The following TOX3 variants were observed in gnomAD, a reference collection of about 807,000 sequenced individuals.
TOX3 encodes the protein TOX high mobility group box family member 3.
A neutral mutation model predicts 64.3 loss-of-function variants in TOX3; 22 were observed. The ratio of observed to expected loss-of-function variants is 0.34; its 90% confidence interval spans 0.24 to 0.49. TOX3 has a LOEUF of 0.49. Among genes scored for constraint, TOX3 ranks in the 20% least tolerant of loss-of-function variants. TOX3 has a pLI of 0.99. For synonymous variants in TOX3, 291 were observed against 273.6 expected, an observed-to-expected ratio of 1.06 and a Z score of -0.63; for missense variants, 661 against 714.4, an observed-to-expected ratio of 0.93 and a Z score of 0.85.
chr16:52,501,470 G>C (rs552116009), intron 1 of TOX3, among the ~76,000 whole-genome samples: 5 of 152,162 alleles, frequency 3.3e-5, no homozygotes, highest in South Asian at 2.1e-4. Context: ...CCAGGAGTTC[G>C]AGACCAGCCT....
At chr16:52,517,489 C>A (rs1314520084) in intron 1 of TOX3, among the ~76,000 whole-genome samples, 2 of 151,772 alleles carry the variant, frequency 1.3e-5, no homozygotes, top group Non-Finnish European at 2.9e-5. Flanking sequence ...GGTGCCCCAG[C>A]CCACCCTCAA....
intron 1 of TOX3, among the ~76,000 whole-genome samples, chr16:52,486,031 G>A (rs912606760): frequency 1.3e-5 from 2 of 152,210 alleles, no homozygotes; most frequent in African/African-American, 4.8e-5. Context: ...TGTTGGGGTT[G>A]AGGTGCCAAG....
intron 3 of TOX3, among the ~76,000 whole-genome samples, chr16:52,454,007 T>G (rs1275993811): frequency 6.6e-6 from 1 of 152,230 alleles, no homozygotes; most frequent in East Asian, 1.9e-4. Flanking sequence ...ATACTAGTAC[T>G]ATACTTATTC....
In TOX3 at chr16:52,527,629, G is replaced by A. The variant is rs1186683254; in HGVS notation, c.87+19008C>T. On this transcript the variant is annotated intron_variant, in intron 1 of 6. Coordinates refer to ENST00000219746, the MANE Select transcript of TOX3 (RefSeq NM_001080430.4). ...CGCGTAGATTATTTTACCTGATCCA[G>A]GAGCCTCCTTCCCTGGTGACTACCT... is the stretch of plus-strand genomic sequence containing the variant. 2.0e-5 allele frequency among the ~76,000 whole-genome samples: 3 copies of A among 152,184 alleles called. No individual in the cohort carries two copies. The East Asian group carries it at 5.8e-4, about 29-fold the overall frequency.
chr16:52,519,777 T>C (rs1172761258), intron 1 of TOX3, among the ~76,000 whole-genome samples: 3 of 151,374 alleles, frequency 2.0e-5, no homozygotes, highest in African/African-American at 7.3e-5. Context: ...GGGCAATGTA[T>C]TGAGAGCTTA....
chr16:52,531,257 T>A (rs987571102), intron 1 of TOX3, among the ~76,000 whole-genome samples: 12 of 152,138 alleles, frequency 7.9e-5, no homozygotes, highest in Admixed American at 6.5e-4. Flanking sequence ...CCAGGAAAGG[T>A]GCAAAAATAT....
At position 52,504,532 on chromosome 16, in the gene TOX3, C is replaced by A. The variant is rs548000779; in HGVS notation, c.88-35958G>T. Among the ~76,000 whole-genome samples, 3 of 151,564 alleles carry A rather than the reference C, an allele frequency of 2.0e-5. No homozygotes were observed. In the South Asian group the frequency reaches 6.3e-4, roughly 32 times the overall value. The stretch of plus-strand genomic sequence containing the variant: ...GAGAAATGAGAAATGTCTATGTGCA[C>A]ACAACTTCCCACATACACACATTAG... On this transcript the variant is annotated intron_variant, in intron 1 of 6. Coordinates refer to ENST00000219746, the MANE Select transcript of TOX3 (RefSeq NM_001080430.4).
intron 1 of TOX3, among the ~76,000 whole-genome samples, chr16:52,497,925 T>A (rs79807263): frequency 0.036 from 5,448 of 152,288 alleles, 306 homozygotes; most frequent in African/African-American, 0.12. Context: ...TGCTCTATAA[T>A]GGGAAGAAAA....
chr16:52,527,607 G>A (rs764319393), intron 1 of TOX3, among the ~76,000 whole-genome samples: 3 of 152,158 alleles, frequency 2.0e-5, no homozygotes, highest in South Asian at 2.1e-4. Flanking sequence ...TGAAACACGC[G>A]TAGATTATTT....
intron 1 of TOX3, among the ~76,000 whole-genome samples, chr16:52,493,979 T>C (rs1596824742): frequency 6.6e-6 from 1 of 152,322 alleles, no homozygotes; most frequent in East Asian, 1.9e-4. Flanking sequence ...TTTCATATCT[T>C]AGGAGAACAG....
At chr16:52,531,778 C>T (rs907936159) in intron 1 of TOX3, among the ~76,000 whole-genome samples, 1 of 151,936 alleles carries the variant, frequency 6.6e-6, no homozygotes, top group Non-Finnish European at 1.5e-5. Flanking sequence ...GAAGATTAAA[C>T]CAGAAGTAAA....
chr16:52,546,938 G>A lies in TOX3; in HGVS notation c.-215C>T. On this transcript the variant is annotated 5_prime_UTR_variant, in exon 1 of 7. Transcript: ENST00000219746. ...CACGCGAGCCGCGGGAGAGCGGGAG[G>A]CGGCCGGGGGGACGCGCCCCGCCGG... The A allele has an allele frequency of 9.9e-7, 1 of 1,009,080 alleles. No homozygotes were observed. 62.5% of individuals were successfully genotyped at this position (1,009,080 alleles called of 1,614,324 possible).
Position 52,438,997 on chromosome 16 carries a change from GA to G in TOX3, c.*227del. ...TAAATAAAAAAGGCATCACATAAAAGAGCACAGCTTTTCTTGTTTAAAAACA... is the reference window on the plus strand; with the variant it reads ...TAAATAAAAAAGGCATCACATAAAAGGCACAGCTTTTCTTGTTTAAAAACA... On this transcript the variant is annotated 3_prime_UTR_variant, in exon 7 of 7. Coordinates refer to ENST00000219746, the MANE Select transcript of TOX3 (RefSeq NM_001080430.4). 2 of 724,446 alleles carry G rather than the reference GA, an allele frequency of 2.8e-6. No homozygotes were observed. 44.9% of individuals were successfully genotyped at this position (724,446 alleles called of 1,614,324 possible). A position where few individuals can be genotyped will look rare whatever the true frequency, so the allele number is the denominator to read the frequency against.
intron 3 of TOX3, among the ~76,000 whole-genome samples, chr16:52,452,653 C>T (rs546689911): frequency 6.8e-5 from 10 of 147,714 alleles, no homozygotes; most frequent in African/African-American, 2.5e-4. Flanking sequence ...ACATTGTGCA[C>T]ATGTACCCTA....
intron 1 of TOX3, among the ~76,000 whole-genome samples, chr16:52,535,506 G>A (rs1730229010): frequency 6.6e-6 from 1 of 152,180 alleles, no homozygotes; most frequent in African/African-American, 2.4e-5. Context: ...GATAGCTAGA[G>A]GCAGCTTGGC....
intron 1 of TOX3, among the ~76,000 whole-genome samples, chr16:52,529,827 G>A (rs1295317799): frequency 6.6e-6 from 1 of 152,136 alleles, no homozygotes; most frequent in East Asian, 1.9e-4. Context: ...GCTATACATT[G>A]TAAATAGAAC....
chr16:52,439,409 AGCTGGAGGCGCTGCTGCAGCTGCTGCT>A lies in TOX3; in HGVS notation c.1520_1546del (p.Gln507_Gln515del), dbSNP rs778797253. 4.4e-6 allele frequency: 7 copies of A among 1,578,892 alleles called. No homozygotes were observed. ...GTGCTGCATGTGTTGCAGCTGCTGC[AGCTGGAGGCGCTGCTGCAGCTGCTGCT>A]GCAGCTGCTGTTGATTAATTTGCTG... is the stretch of plus-strand genomic sequence containing the variant. On this transcript the variant is annotated inframe_deletion, in exon 7 of 7. Coordinates refer to ENST00000219746, the MANE Select transcript of TOX3 (RefSeq NM_001080430.4).
Position 52,437,749 on chromosome 16 carries a change from C to A in TOX3, c.*1476G>T, listed in dbSNP as rs575149600. On this transcript the variant is annotated 3_prime_UTR_variant, in exon 7 of 7. Transcript: ENST00000219746. ...GCTAGTTCTAGCCCCCTCAAAAAAG[C>A]GATTACTTTTTTCTCTATACTTACC... 1.5e-5 allele frequency among the ~76,000 whole-genome samples: 2 copies of A among 134,562 alleles called. No homozygotes were observed. The highest frequency in any genetic ancestry group is 4.4e-4 in the East Asian group (2 of 4,548). 88.3% of individuals were successfully genotyped at this position (134,562 alleles called of 152,430 possible).
chr16:52,486,841 C>A lies in TOX3; in HGVS notation c.88-18267G>T, dbSNP rs557181049. On this transcript the variant is annotated intron_variant, in intron 1 of 6. Transcript: ENST00000219746. ...GTCCCAGCTACTCTGGAGGCTGAGA[C>A]GGGGGTATCACTTGAGCCCTGGAAG... 2.0e-5 allele frequency among the ~76,000 whole-genome samples: 3 copies of A among 151,950 alleles called. No homozygotes were observed. In the South Asian group the frequency reaches 6.2e-4, roughly 32 times the overall value.
Sources: gnomAD v4.1 joint callset for allele counts (sites outside exome capture counted in the v4.1 genomes callset) on GRCh38, gnomAD v4.1.1 for gene constraint, MANE v1.5 for transcripts, NCBI Gene and HGNC (gene_info 2026-07-23, HGNC 2026-07-21) for gene names.